The following AHRR variants were observed in gnomAD, a reference collection of about 807,000 sequenced individuals.
The protein encoded by AHRR is ahR repressor.
Under a neutral mutation model 44.0 loss-of-function variants are expected in AHRR, and 28 were observed. The observed-to-expected ratio is 0.64, with a 90% confidence interval of 0.47 to 0.87. The LOEUF (loss-of-function observed/expected upper bound fraction) is 0.87, where lower values mean the gene tolerates loss of function less well. Ranked by LOEUF, AHRR falls within the 40% of genes least tolerant of loss-of-function variation. The pLI is 0.00. For synonymous variants in AHRR, 434 were observed against 407.0 expected, an observed-to-expected ratio of 1.07 and a Z score of -0.80; for missense variants, 990 against 953.9, an observed-to-expected ratio of 1.04 and a Z score of -0.50.
intron 1 of AHRR, among the ~76,000 whole-genome samples, chr5:330,728 G>A (rs566687650): frequency 6.6e-6 from 1 of 152,084 alleles, no homozygotes; most frequent in Non-Finnish European, 1.5e-5. Context: ...TTTTTCTGTT[G>A]TGTCTTTGTC....
rs947055096 is a variant in AHRR, at chr5:342,533, C to G, written c.-10-1360C>G. ...TTTTCTATCCATTTACTTTATCTAC[C>G]TAAGTCTTTACAGTCCAAGTGGATC... On this transcript the variant is annotated intron_variant, in intron 1 of 10. Coordinates refer to ENST00000684583, the MANE Select transcript of AHRR (RefSeq NM_001377236.1). The surrounding 1 kb of genome is among the most constrained non-coding windows in gnomAD (Gnocchi z 4.3). Among the ~76,000 whole-genome samples the G allele has an allele frequency of 1.3e-5, 2 of 152,176 alleles. No homozygotes were observed. The highest frequency in any genetic ancestry group is 4.8e-5 in the African/African-American group (2 of 41,428).
chr5:433,937 C>T lies in AHRR; in HGVS notation c.1197C>T (p.Pro399=), dbSNP rs377295941. The T allele has an allele frequency of 2.3e-5, 35 of 1,541,730 alleles. No homozygotes were observed. In the African/African-American group the frequency reaches 4.5e-4, roughly 20 times the overall value. The part of the protein sequence containing the change: ...GRRETPGPTK[P]LPWTAGKHSE... ...GGGAGACTCCAGGACCCACAAAGCC[C>T]CTGCCCTGGACAGCGGGAAAGCACA... The change falls in exon 11 of 11, where the codon CCC becomes CCT. Residue 399 remains proline, a synonymous_variant. Coordinates refer to ENST00000684583, the MANE Select transcript of AHRR (RefSeq NM_001377236.1).
chr5:335,857 T>C (rs1439667831), intron 1 of AHRR, among the ~76,000 whole-genome samples: 1 of 152,236 alleles, frequency 6.6e-6, no homozygotes, highest in Non-Finnish European at 1.5e-5. Context: ...CAGGCCCCCA[T>C]GGCAACTCTC....
At chr5:390,549 C>A (rs1206800029) in intron 4 of AHRR, among the ~76,000 whole-genome samples, 1 of 152,048 alleles carries the variant, frequency 6.6e-6, no homozygotes, top group Non-Finnish European at 1.5e-5. Context: ...AGAGGTCTTT[C>A]CATGAGTAAA....
At chr5:331,587 A>G (rs1257931205) in intron 1 of AHRR, among the ~76,000 whole-genome samples, 1 of 152,128 alleles carries the variant, frequency 6.6e-6, no homozygotes, top group Non-Finnish European at 1.5e-5. Context: ...CTTTTTTGAT[A>G]TAGACATTTA....
intron 7 of AHRR, among the ~76,000 whole-genome samples, chr5:426,598 A>C (rs1328797250): frequency 1.4e-5 from 2 of 140,898 alleles, no homozygotes; most frequent in Non-Finnish European, 3.1e-5. Flanking sequence ...TAGATGGACA[A>C]ATGGAAAGAT....
chr5:397,715 C>A lies in AHRR; in HGVS notation c.352-15629C>A, dbSNP rs184305202. On this transcript the variant is annotated intron_variant, in intron 4 of 10. Transcript: ENST00000684583. ...GACCATCCACGTAGCCCCTGACCGT[C>A]CACGTAGCTCCTGACCGTCCACGTA... 2.8e-3 allele frequency among the ~76,000 whole-genome samples: 393 copies of A among 139,134 alleles called. 4 individuals are homozygous for A. Among genetic ancestry groups the A allele is most frequent in the Non-Finnish European group, 5.0e-3 (324 of 64,536 alleles). The allele number at this position is 139,134 out of a possible 152,430, so 91.3% of individuals were successfully genotyped here. A position where few individuals can be genotyped will look rare whatever the true frequency, so the allele number is the denominator to read the frequency against.
At position 321,973 on chromosome 5, in the gene AHRR, C is replaced by T. The variant is rs1741510694; in HGVS notation, c.-11+154C>T. Among the ~76,000 whole-genome samples the T allele has an allele frequency of 1.3e-5, 2 of 152,056 alleles. No individual in the cohort carries two copies. The highest frequency in any genetic ancestry group is 4.1e-4 in the South Asian group (2 of 4,836). On this transcript the variant is annotated intron_variant, in intron 1 of 10. Coordinates refer to ENST00000684583, the MANE Select transcript of AHRR (RefSeq NM_001377236.1). This position sits in a 1 kb window ranked among gnomAD's most constrained non-coding sequence, Gnocchi z 8.3. The stretch of plus-strand genomic sequence containing the variant: ...GTCGCCAGGCCCGGCGGCCCCGGGA[C>T]GGGGCGGACACTCTGGGGTGCGGCT...
Position 435,308 on chromosome 5 carries a change from C to G in AHRR, c.*474C>G, listed in dbSNP as rs1044595511. 1.1e-5 allele frequency: 2 copies of G among 185,146 alleles called. No individual in the cohort carries two copies. Among genetic ancestry groups the G allele is most frequent in the South Asian group, 1.2e-4 (1 of 8,616 alleles). The allele number at this position is 185,146 out of a possible 1,614,324, so 11.5% of individuals were successfully genotyped here. A position where few individuals can be genotyped will look rare whatever the true frequency, so the allele number is the denominator to read the frequency against. On this transcript the variant is annotated 3_prime_UTR_variant, in exon 11 of 11. Coordinates refer to ENST00000684583, the MANE Select transcript of AHRR (RefSeq NM_001377236.1). Reference sequence around the variant, plus strand: ...ACCTAGCTCAGCCCTCCCAGGCCACCTGCAGCTCCCAGCCTGTGCTGTGCA... The same window carrying G: ...ACCTAGCTCAGCCCTCCCAGGCCACGTGCAGCTCCCAGCCTGTGCTGTGCA...
chr5:396,822 C>T (rs1376335313), intron 4 of AHRR, among the ~76,000 whole-genome samples: 1 of 151,778 alleles, frequency 6.6e-6, no homozygotes, highest in Admixed American at 6.6e-5. Context: ...CCCGCCCATC[C>T]ACATCCCAGG....
intron 5 of AHRR, 51 bp from the exon 6 acceptor site, chr5:422,677 TG>T: frequency 1.2e-6 from 2 of 1,613,468 alleles, no homozygotes; most frequent in Non-Finnish European, 1.7e-6. Context: ...TGGAATAAAG[TG>T]TCTAAAGCCA....
rs778334115 is a variant in AHRR at position 359,675 on chromosome 5, C to T, written c.244+5764C>T. Among the ~76,000 whole-genome samples the T allele has an allele frequency of 3.3e-5, 5 of 152,298 alleles. No individual in the cohort carries two copies. The East Asian group carries it at 7.7e-4, about 24-fold the overall frequency. On this transcript the variant is annotated intron_variant, in intron 3 of 10. Coordinates refer to ENST00000684583, the MANE Select transcript of AHRR (RefSeq NM_001377236.1). Reference sequence around the variant, plus strand: ...AGTCCTCTTGTTCCTTTGCATCCACCGTGCTCCACTGTGGGGCCTGAACAC... The same window carrying T: ...AGTCCTCTTGTTCCTTTGCATCCACTGTGCTCCACTGTGGGGCCTGAACAC...
At chr5:323,563 G>T (rs1266631463) in intron 1 of AHRR, among the ~76,000 whole-genome samples, 1 of 152,192 alleles carries the variant, frequency 6.6e-6, no homozygotes, top group Non-Finnish European at 1.5e-5. Flanking sequence ...CTGCAACTGT[G>T]AGGCCCCTCC....
intron 4 of AHRR, among the ~76,000 whole-genome samples, chr5:389,257 C>A (rs922041760): frequency 2.6e-5 from 4 of 152,072 alleles, no homozygotes; most frequent in African/African-American, 4.8e-5. Flanking sequence ...CCAGCAGATG[C>A]GGCTGAAGGA....
At chr5:423,014 C>T (rs527453603) in intron 6 of AHRR, among the ~76,000 whole-genome samples, 156 bp downstream of exon 6, 3 of 152,310 alleles carry the variant, frequency 2.0e-5, no homozygotes, top group African/African-American at 7.2e-5. Context: ...AGGCCTCCTC[C>T]CATGTCCCTC....
chr5:406,739 C>T lies in AHRR; in HGVS notation c.352-6605C>T, dbSNP rs1482059040. Among the ~76,000 whole-genome samples the T allele has an allele frequency of 6.6e-6, 1 of 152,186 alleles. No individual in the cohort carries two copies. Among genetic ancestry groups the T allele is most frequent in the African/African-American group, 2.4e-5 (1 of 41,442 alleles). Reference sequence around the variant, plus strand: ...TTCCAGATAAAATAATAGCAATTAACTTCCATCTGTGTTATAAAAGCATGG... The same window carrying T: ...TTCCAGATAAAATAATAGCAATTAATTTCCATCTGTGTTATAAAAGCATGG... On this transcript the variant is annotated intron_variant, in intron 4 of 10. Coordinates refer to ENST00000684583, the MANE Select transcript of AHRR (RefSeq NM_001377236.1). The surrounding 1 kb of genome is among the most constrained non-coding windows in gnomAD (Gnocchi z 4.7).
intron 2 of AHRR, 131 bp downstream of exon 2, chr5:344,095 C>G (rs1448392530): frequency 7.0e-6 from 7 of 1,001,018 alleles, no homozygotes; most frequent in Non-Finnish European, 8.5e-6. Context: ...CGGGCCGGGG[C>G]TGAGCTCCGG....
At chr5:416,173 G>A in intron 5 of AHRR, among the ~76,000 whole-genome samples, 1 of 152,228 alleles carries the variant, frequency 6.6e-6, no homozygotes, top group East Asian at 1.9e-4. Flanking sequence ...CTGTGTGCAG[G>A]GAGAGGGAAC....
In AHRR at chr5:435,269, C is replaced by T. The variant is rs1031766756; in HGVS notation, c.*435C>T. ...CCCAAGTCCGCAGTCGGGGATGAAG[C>T]GGTCGGGTGACACACCTAGCTCAGC... is the stretch of plus-strand genomic sequence containing the variant. On this transcript the variant is annotated 3_prime_UTR_variant, in exon 11 of 11. Transcript: ENST00000684583. The T allele has an allele frequency of 7.8e-5, 15 of 193,158 alleles. No individual in the cohort carries two copies. The highest frequency in any genetic ancestry group is 2.4e-4 in the African/African-American group (10 of 40,860). The allele number at this position is 193,158 out of a possible 1,614,324, so 12.0% of individuals were successfully genotyped here.
Sources: allele counts gnomAD v4.1 joint callset (sites outside exome capture counted in the v4.1 genomes callset), GRCh38; gene constraint gnomAD v4.1.1; non-coding constraint Gnocchi (gnomAD v3.1); transcripts MANE v1.5; gene names NCBI Gene and HGNC (gene_info 2026-07-23, HGNC 2026-07-21).